Variants in MICAL2 observed in about 807,000 individuals in gnomAD.
MICAL2 encodes [F-actin]-monooxygenase MICAL2.
In MICAL2, 77 loss-of-function variants were observed where a neutral mutation model predicts 127.3. The ratio of observed to expected loss-of-function variants is 0.60; its 90% confidence interval spans 0.50 to 0.73. The LOEUF (loss-of-function observed/expected upper bound fraction) is 0.73. Ranked by LOEUF, MICAL2 falls within the 30% of genes least tolerant of loss-of-function variation. MICAL2 has a pLI of 0.00. For synonymous variants in MICAL2, 570 were observed against 551.1 expected (o/e 1.03, Z -0.48); for missense variants, 1,351 against 1,434.4 (o/e 0.94, Z 0.94).
At chr11:12,288,869 C>T (rs1863859395), downstream of MICAL2, among the ~76,000 whole-genome samples, 1 of 152,200 alleles carries the variant, frequency 6.6e-6, no homozygotes, top group African/African-American at 2.4e-5. Context: ...TCCCGAAAAT[C>T]CCCAGAGCTG....
intron 2 of MICAL2, among the ~76,000 whole-genome samples, chr11:12,138,691 G>A (rs961062337): frequency 2.0e-5 from 3 of 152,136 alleles, no homozygotes; most frequent in Non-Finnish European, 4.4e-5. Context: ...CCCACCTACC[G>A]GCTGTGGGAG....
intron 32 of MICAL2, among the ~76,000 whole-genome samples, chr11:12,340,284 A>G (rs568348293): frequency 6.6e-6 from 1 of 152,398 alleles, no homozygotes; most frequent in Admixed American, 6.5e-5. Context: ...TTAATGTCCA[A>G]TAAATCTGTG....
intron 3 of MICAL2, among the ~76,000 whole-genome samples, chr11:12,197,069 G>A (rs571221056): frequency 6.6e-6 from 1 of 152,322 alleles, no homozygotes; most frequent in East Asian, 1.9e-4. Flanking sequence ...CATTGTATCT[G>A]TTTTTCTTCT....
intron 34 of MICAL2, among the ~76,000 whole-genome samples, chr11:12,356,538 G>A (rs911252533): frequency 6.6e-6 from 1 of 152,100 alleles, no homozygotes; most frequent in African/African-American, 2.4e-5. Flanking sequence ...CCATCATTGG[G>A]CTGCAACTCT....
rs1297893532 is a variant in MICAL2, at chr11:12,260,292, G to A, written c.3334+395G>A. On this transcript the variant is annotated intron_variant, in intron 26 of 27. Coordinates refer to ENST00000683283, the MANE Select transcript of MICAL2 (RefSeq NM_001282663.2). ...GCATTCTCTAAGCAATTAGCTCAAA[G>A]CCAAAGAATTTCACATGGGCCACCT... 4.9e-6 allele frequency: 7 copies of A among 1,426,168 alleles called. No homozygotes were observed. The East Asian group carries it at 1.5e-4, about 31-fold the overall frequency. 88.3% of individuals were successfully genotyped at this position (1,426,168 alleles called of 1,614,324 possible).
At chr11:12,342,070 A>G (rs113500309) in intron 32 of MICAL2, among the ~76,000 whole-genome samples, 1 of 152,330 alleles carries the variant, frequency 6.6e-6, no homozygotes, top group African/African-American at 2.4e-5. Flanking sequence ...CGCACAGGAA[A>G]AGGCATGAGA....
chr11:12,161,477 A>G (rs1242326208), intron 2 of MICAL2: 4 of 152,468 alleles, frequency 2.6e-5, no homozygotes, highest in African/African-American at 9.7e-5. Context: ...TACCAGGAGC[A>G]GAAGTTTTGA....
intron 32 of MICAL2, among the ~76,000 whole-genome samples, chr11:12,341,989 C>T (rs1042500018): frequency 1.3e-5 from 2 of 152,120 alleles, no homozygotes; most frequent in Non-Finnish European, 2.9e-5. Context: ...ATATAAATGA[C>T]TCTATTAATA....
chr11:12,214,600 C>T (rs765676061), intron 7 of MICAL2, among the ~76,000 whole-genome samples: 3 of 152,128 alleles, frequency 2.0e-5, no homozygotes, highest in African/African-American at 4.8e-5. Context: ...ATACTGCCTT[C>T]GAGCTAAGAA....
downstream of MICAL2, chr11:12,293,931 G>C: frequency 6.2e-7 from 1 of 1,613,134 alleles, no homozygotes. Flanking sequence ...GAAGAAGAGG[G>C]AGGGCCAGTG....
Position 12,358,374 on chromosome 11 carries a change from CA to C in MICAL2, c.5772del (p.Lys1924AsnfsTer6). The C allele has an allele frequency of 6.2e-7, 1 of 1,614,128 alleles. No individual in the cohort carries two copies. Among genetic ancestry groups the C allele is most frequent in the East Asian group, 2.2e-5 (1 of 44,874 alleles). ...TGATGCAAGTGATTGAGCAAAGGGACAAACTCGTCGATTCCTTAGAGGAACA... is the reference window on the plus strand; with the variant it reads ...TGATGCAAGTGATTGAGCAAAGGGACAACTCGTCGATTCCTTAGAGGAACA... On this transcript the variant is annotated frameshift_variant, in exon 35 of 35. Transcript: ENST00000646065. LOFTEE classifies it high-confidence loss of function.
At chr11:12,265,644 A>G (rs540272153), downstream of MICAL2, among the ~76,000 whole-genome samples, 1 of 152,300 alleles carries the variant, frequency 6.6e-6, no homozygotes, top group South Asian at 2.1e-4. Context: ...GTTCCTGGGC[A>G]CCTCTCATAG....
intron 1 of MICAL2, among the ~76,000 whole-genome samples, chr11:12,279,428 G>T (rs1190577976): frequency 6.6e-6 from 1 of 152,156 alleles, no homozygotes; most frequent in African/African-American, 2.4e-5. Context: ...ACATAGGCTT[G>T]AGCATCCCAC....
At chr11:12,242,886 A>G (rs1860180229) in intron 20 of MICAL2, 114 bp downstream of exon 20, 8 of 682,446 alleles carry the variant, frequency 1.2e-5, no homozygotes, top group Admixed American at 3.7e-5. Flanking sequence ...TAGAGCATGA[A>G]GAGCTCTTTA....
intron 30 of MICAL2, among the ~76,000 whole-genome samples, chr11:12,321,477 C>T (rs1483389832): frequency 6.6e-6 from 1 of 152,174 alleles, no homozygotes; most frequent in African/African-American, 2.4e-5. Context: ...CCCACTGCCT[C>T]TCCTCCCACA....
intron 3 of MICAL2, among the ~76,000 whole-genome samples, chr11:12,182,437 A>G (rs1857591379): frequency 6.6e-6 from 1 of 152,116 alleles, no homozygotes; most frequent in African/African-American, 2.4e-5. Context: ...CTTGAGACCA[A>G]ATTTCCACAT....
At chr11:12,140,799 T>C (rs897664566) in intron 2 of MICAL2, among the ~76,000 whole-genome samples, 7 of 152,222 alleles carry the variant, frequency 4.6e-5, no homozygotes, top group Non-Finnish European at 1.0e-4. Flanking sequence ...ACCCATCTAA[T>C]TGCCCATGAA....
chr11:12,203,088 A>G (rs1287980507), intron 3 of MICAL2, among the ~76,000 whole-genome samples: 4 of 152,188 alleles, frequency 2.6e-5, no homozygotes, highest in African/African-American at 9.6e-5. Flanking sequence ...TCATTCATGT[A>G]TTAGAATTTC....
chr11:12,283,633 G>A (rs1019094806), intron 2 of MICAL2, among the ~76,000 whole-genome samples: 2 of 152,228 alleles, frequency 1.3e-5, no homozygotes, highest in African/African-American at 4.8e-5. Flanking sequence ...GGGTGGTGGT[G>A]AGGTGGTGAT....
Sources: allele counts gnomAD v4.1 joint callset (sites outside exome capture counted in the v4.1 genomes callset), GRCh38; gene constraint gnomAD v4.1.1; transcripts MANE v1.5; gene names NCBI Gene and HGNC (gene_info 2026-07-23, HGNC 2026-07-21).